Variants in BICD1 observed in about 807,000 individuals in gnomAD.
BICD1 encodes the protein protein bicaudal D homolog 1.
Under a neutral mutation model 92.5 loss-of-function variants are expected in BICD1, and 35 were observed. That is an observed-to-expected ratio of 0.38 (90% CI 0.29 to 0.50). BICD1 has a LOEUF of 0.50. Ranked by LOEUF, BICD1 falls within the 20% of genes least tolerant of loss-of-function variation. BICD1 has a pLI of 0.93. For synonymous variants in BICD1, 429 were observed against 465.1 expected (o/e 0.92, Z 1.00); for missense variants, 950 against 1,189.8 (o/e 0.80, Z 2.97).
At chr12:32,201,234 C>T (rs1358737616) in intron 1 of BICD1, among the ~76,000 whole-genome samples, 4 of 152,234 alleles carry the variant, frequency 2.6e-5, no homozygotes, top group South Asian at 2.1e-4. Context: ...CTCTGACATA[C>T]TCTGATCTAG....
intron 2 of BICD1, among the ~76,000 whole-genome samples, chr12:32,252,399 G>C (rs1946590967): frequency 6.6e-6 from 1 of 151,682 alleles, no homozygotes; most frequent in South Asian, 2.1e-4. Flanking sequence ...ATTTATTTTA[G>C]CAGTGGTCTT....
intron 1 of BICD1, among the ~76,000 whole-genome samples, chr12:32,173,452 A>G (rs1307067921): frequency 6.6e-6 from 1 of 152,190 alleles, no homozygotes; most frequent in Non-Finnish European, 1.5e-5. Context: ...ATAACTCAGT[A>G]TTCATTGCTG....
intron 2 of BICD1, among the ~76,000 whole-genome samples, chr12:32,240,731 C>T (rs2136081344): frequency 6.6e-6 from 1 of 152,112 alleles, no homozygotes; most frequent in Middle Eastern, 3.4e-3. Flanking sequence ...GGTGATACCA[C>T]TCCCCACCCC....
At chr12:32,367,770 C>T in intron 9 of BICD1, 25 bp downstream of exon 9, 1 of 1,597,982 alleles carries the variant, frequency 6.3e-7, no homozygotes, top group East Asian at 2.2e-5. Context: ...CCTTTCCCTT[C>T]CACCCAGCTG....
At chr12:32,143,584 T>G (rs1224901188) in intron 1 of BICD1, among the ~76,000 whole-genome samples, 1 of 152,234 alleles carries the variant, frequency 6.6e-6, no homozygotes, top group African/African-American at 2.4e-5. Flanking sequence ...TGATGGGTTT[T>G]GACTTGCTTT....
rs192958822 is a variant in BICD1 at position 32,313,403 on chromosome 12, G to A, written c.1005+7281G>A. ...GCTTATAACAACTGTATGGGGTAGA[G>A]AGTATTATTATCTTCATATTATAGA... On this transcript the variant is annotated intron_variant, in intron 4 of 9. Transcript: ENST00000652176. This position sits in a 1 kb window ranked among gnomAD's most constrained non-coding sequence, Gnocchi z 4.2. Among the ~76,000 whole-genome samples, 6 of 152,150 alleles carry A rather than the reference G, an allele frequency of 3.9e-5. No individual in the cohort carries two copies. Among genetic ancestry groups the A allele is most frequent in the Non-Finnish European group, 1.5e-5 (1 of 68,028 alleles).
chr12:32,249,893 A>T (rs559191394), intron 2 of BICD1, among the ~76,000 whole-genome samples: 1 of 151,618 alleles, frequency 6.6e-6, no homozygotes, highest in African/African-American at 2.4e-5. Flanking sequence ...CAGAGGCTTG[A>T]AAAGGAAATA....
chr12:32,282,444 A>G (rs902263797), intron 2 of BICD1, among the ~76,000 whole-genome samples: 1 of 151,972 alleles, frequency 6.6e-6, no homozygotes, highest in African/African-American at 2.4e-5. Context: ...TGCACCTTGA[A>G]GTCTTTCAAG....
At chr12:32,119,791 A>C (rs1315244157) in intron 1 of BICD1, among the ~76,000 whole-genome samples, 2 of 152,182 alleles carry the variant, frequency 1.3e-5, no homozygotes, top group African/African-American at 2.4e-5. Flanking sequence ...GAATTGCTTG[A>C]ACCCAGGAGG....
intron 1 of BICD1, among the ~76,000 whole-genome samples, chr12:32,192,811 G>A (rs921956556): frequency 6.6e-6 from 1 of 152,236 alleles, no homozygotes; most frequent in Non-Finnish European, 1.5e-5. Flanking sequence ...CAAGACTTCA[G>A]TGGAGGAAGG....
At chr12:32,236,578 A>G (rs771972503) in intron 2 of BICD1, among the ~76,000 whole-genome samples, 4 of 152,096 alleles carry the variant, frequency 2.6e-5, no homozygotes, top group South Asian at 2.1e-4. Flanking sequence ...TACATGTTCA[A>G]GAGAAAGGAG....
chr12:32,334,715 G>C (rs200759603), intron 6 of BICD1, 48 bp downstream of exon 6: 21 of 1,565,298 alleles, frequency 1.3e-5, no homozygotes, highest in Non-Finnish European at 1.6e-5. Context: ...TGGGGTAAAG[G>C]CTTTAAAATT....
intron 1 of BICD1, among the ~76,000 whole-genome samples, chr12:32,144,233 C>T (rs1305669303): frequency 6.6e-6 from 1 of 152,114 alleles, no homozygotes; most frequent in Non-Finnish European, 1.5e-5. Flanking sequence ...AGTTCTTTAA[C>T]CCTTCATAAC....
At chr12:32,189,558 C>G (rs1236549448) in intron 1 of BICD1, among the ~76,000 whole-genome samples, 1 of 152,036 alleles carries the variant, frequency 6.6e-6, no homozygotes, top group African/African-American at 2.4e-5. Flanking sequence ...AAGTTCAGCT[C>G]TAGTATAAAA....
chr12:32,195,578 T>C (rs1260913565), intron 1 of BICD1, among the ~76,000 whole-genome samples: 1 of 152,230 alleles, frequency 6.6e-6, no homozygotes, highest in Non-Finnish European at 1.5e-5. Flanking sequence ...GATATCTATA[T>C]GCAAAAGATT....
chr12:32,142,623 T>C (rs899557759), intron 1 of BICD1, among the ~76,000 whole-genome samples: 1 of 152,202 alleles, frequency 6.6e-6, no homozygotes, highest in Non-Finnish European at 1.5e-5. Context: ...ATCTGACTCT[T>C]GCAGCATTCT....
intron 1 of BICD1, among the ~76,000 whole-genome samples, chr12:32,175,781 C>T (rs1944073093): frequency 1.3e-5 from 2 of 152,122 alleles, no homozygotes; most frequent in Admixed American, 6.5e-5. Flanking sequence ...TTTTTAGTAG[C>T]TTTACTGAGT....
chr12:32,379,985 A>G lies in BICD1; in HGVS notation c.*2358A>G, dbSNP rs1015930715. The G allele has an allele frequency of 2.0e-5, 3 of 152,192 alleles. No homozygotes were observed. Among genetic ancestry groups the G allele is most frequent in the East Asian group, 3.8e-4 (2 of 5,202 alleles). The allele number at this position is 152,192 out of a possible 1,614,324, so 9.4% of individuals were successfully genotyped here. On this transcript the variant is annotated 3_prime_UTR_variant, in exon 10 of 10. Coordinates refer to ENST00000652176, the MANE Select transcript of BICD1 (RefSeq NM_001714.4). ...AAACATTTCTTCCAATACAAAGTGT[A>G]TTATTACGTCTATTATAAACTAGTT...
intron 1 of BICD1, among the ~76,000 whole-genome samples, chr12:32,150,740 G>T (rs1943264301): frequency 6.6e-6 from 1 of 151,930 alleles, no homozygotes; most frequent in African/African-American, 2.4e-5. Context: ...AGGGGCCTTG[G>T]GTCAGTCCAT....
Sources: gnomAD v4.1 joint callset for allele counts (sites outside exome capture counted in the v4.1 genomes callset) on GRCh38, gnomAD v4.1.1 for gene constraint, Gnocchi (gnomAD v3.1) non-coding constraint, MANE v1.5 for transcripts, NCBI Gene and HGNC (gene_info 2026-07-23, HGNC 2026-07-21) for gene names.